CD83: variants seen among roughly 807,000 people sequenced by gnomAD.
CD83 encodes CD83 molecule, also known as CD83 antigen.
Under a neutral mutation model 24.6 loss-of-function variants are expected in CD83, and 22 were observed. The observed-to-expected ratio is 0.90, with a 90% CI of 0.64 to 1.28. The LOEUF (loss-of-function observed/expected upper bound fraction) is 1.28. Ranked by LOEUF, CD83 falls within the 50% of genes most tolerant of loss-of-function variation. CD83 has a pLI of 0.00. For missense variants in CD83, 253 were observed against 252.8 expected (o/e 1.00, Z -0.01); for synonymous variants, 101 against 103.5 (o/e 0.98, Z 0.14).
At chr6:14,131,236 GCATATCA>G (rs1168847827) in intron 2 of CD83, among the ~76,000 whole-genome samples, 1 of 152,184 alleles carries the variant, frequency 6.6e-6, no homozygotes, top group Non-Finnish European at 1.5e-5. Flanking sequence ...TTCACACACA[GCATATCA>G]CTGTCATCAA....
chr6:14,117,930 G>A lies in CD83; in HGVS notation c.38-20G>A, dbSNP rs889842486. The A allele has an allele frequency of 1.3e-6, 2 of 1,598,412 alleles. No homozygotes were observed. The highest frequency in any genetic ancestry group is 1.7e-6 in the Non-Finnish European group (2 of 1,175,356). On this transcript the variant is annotated intron_variant, in intron 1 of 4. Coordinates refer to ENST00000379153, the MANE Select transcript of CD83 (RefSeq NM_004233.4). The surrounding 1 kb of genome is among the most constrained non-coding windows in gnomAD (Gnocchi z 4.6). ...CTCCCGTCGGTCGCTTGCTCACGAC[G>A]CGCTCTCTCTTTCTTGTAGCCTACA... is the stretch of plus-strand genomic sequence containing the variant.
intron 2 of CD83, among the ~76,000 whole-genome samples, chr6:14,130,334 T>A (rs551098978): frequency 6.6e-6 from 1 of 152,216 alleles, no homozygotes; most frequent in Non-Finnish European, 1.5e-5. Context: ...ATTAAAAATA[T>A]GTCTAGGAAA....
At position 14,129,147 on chromosome 6, in the gene CD83, G is replaced by T. The variant is rs1561831261; in HGVS notation, c.154-2373G>T. 1.3e-5 allele frequency among the ~76,000 whole-genome samples: 2 copies of T among 152,370 alleles called. No individual in the cohort carries two copies. The highest frequency in any genetic ancestry group is 2.1e-4 in the South Asian group (1 of 4,830). ...GGTGAATAATCTCAAAACGGTTGTTGCAGCTACACTCGCATTTGGAGGTTA... is the reference window on the plus strand; with the variant it reads ...GGTGAATAATCTCAAAACGGTTGTTTCAGCTACACTCGCATTTGGAGGTTA... On this transcript the variant is annotated intron_variant, in intron 2 of 4. Transcript: ENST00000379153. The surrounding 1 kb of genome is among the most constrained non-coding windows in gnomAD (Gnocchi z 4.3).
intron 3 of CD83, 88 bp from the exon 4 acceptor site, chr6:14,133,561 A>C: frequency 1.2e-6 from 1 of 858,392 alleles, no homozygotes; most frequent in Non-Finnish European, 1.9e-6. Context: ...GCAGGACTCC[A>C]GGACCAAGGA....
chr6:14,134,330 GAC>G (rs1389076288), intron 4 of CD83, among the ~76,000 whole-genome samples: 2 of 152,248 alleles, frequency 1.3e-5, no homozygotes, highest in Non-Finnish European at 2.9e-5. Flanking sequence ...AGGCACCCTA[GAC>G]ATGCCCATGA....
intron 2 of CD83, among the ~76,000 whole-genome samples, chr6:14,128,072 T>A (rs1274317574): frequency 6.6e-6 from 1 of 152,218 alleles, no homozygotes; most frequent in African/African-American, 2.4e-5. Flanking sequence ...AGATTTGGAA[T>A]GTTTAAAGAG....
At chr6:14,130,781 G>A (rs948673459) in intron 2 of CD83, among the ~76,000 whole-genome samples, 1 of 152,154 alleles carries the variant, frequency 6.6e-6, no homozygotes, top group African/African-American at 2.4e-5. Context: ...GGCTAAATTG[G>A]GCATCTCCCC....
At chr6:14,118,720 C>T (rs1759602546) in intron 2 of CD83, among the ~76,000 whole-genome samples, 1 of 152,314 alleles carries the variant, frequency 6.6e-6, no homozygotes, top group East Asian at 1.9e-4. Flanking sequence ...GCTGCTCCTA[C>T]TGTAAGTGGA....
At chr6:14,133,782 C>CTT (rs775591705) in intron 4 of CD83, 27 bp downstream of exon 4, 4 of 1,443,340 alleles carry the variant, frequency 2.8e-6, no homozygotes, top group Non-Finnish European at 3.9e-6. Context: ...AACATCTTCT[C>CTT]TTATTAAAAG....
Position 14,118,050 on chromosome 6 carries a change from G to A in CD83, c.138G>A (p.Thr46=), listed in dbSNP as rs1759580125. The stretch of plus-strand genomic sequence containing the variant: ...CCTGGGATCCGCAGGTTCCCTACAC[G>A]GTCTCCTGGGTCAAGGTAGGTGCTG... ...TAPWDPQVPY[T]VSWVKLLEGG... is the part of the protein sequence containing the mutation. The change falls in exon 2 of 5, where the codon ACG becomes ACA. Residue 46 remains threonine (T), a synonymous_variant. Transcript: ENST00000379153. The A allele has an allele frequency of 1.9e-6, 3 of 1,607,360 alleles. No homozygotes were observed. Among genetic ancestry groups the A allele is most frequent in the Non-Finnish European group, 2.5e-6 (3 of 1,177,704 alleles).
chr6:14,134,529 C>T (rs1008264095), intron 4 of CD83, among the ~76,000 whole-genome samples: 5 of 152,192 alleles, frequency 3.3e-5, no homozygotes, highest in Admixed American at 2.0e-4. Context: ...ACAGACTTCA[C>T]CCAGGAGCTA....
In CD83 at chr6:14,129,719, C is replaced by T. The variant is rs1276340447; in HGVS notation, c.154-1801C>T. 6.6e-6 allele frequency among the ~76,000 whole-genome samples: 1 copy of T among 152,132 alleles called. No homozygotes were observed. The highest frequency in any genetic ancestry group is 1.5e-5 in the Non-Finnish European group (1 of 68,028). ...CTTGCAGGAGCGATCAATCTGCCAC[C>T]AGATGTCTCTGTAGCCCACTCTACA... On this transcript the variant is annotated intron_variant, in intron 2 of 4. Coordinates refer to ENST00000379153, the MANE Select transcript of CD83 (RefSeq NM_004233.4). The surrounding 1 kb of genome is among the most constrained non-coding windows in gnomAD (Gnocchi z 4.3).
intron 3 of CD83, 118 bp from the exon 4 acceptor site, chr6:14,133,531 A>G: frequency 1.5e-6 from 1 of 673,036 alleles, no homozygotes. Flanking sequence ...GTTCATCCTG[A>G]TGGTGGGAAG....
At chr6:14,124,783 A>T (rs1759746496) in intron 2 of CD83, among the ~76,000 whole-genome samples, 1 of 152,204 alleles carries the variant, frequency 6.6e-6, no homozygotes. Context: ...TCAGTTATGG[A>T]TGGCGTTGTG....
In CD83 at chr6:14,118,014, C is replaced by A; in HGVS notation, c.102C>A (p.Pro34=). The A allele has an allele frequency of 6.2e-7, 1 of 1,611,324 alleles. No homozygotes were observed. The highest frequency in any genetic ancestry group is 1.1e-5 in the South Asian group (1 of 90,732). Residue 34 remains proline, a synonymous_variant, in exon 2 of 5, where the codon CCC becomes CCA. Transcript: ENST00000379153. ...CTTGCTCCGAAGATGTGGACTTGCC[C>A]TGCACCGCCCCCTGGGATCCGCAGG... The part of the protein sequence containing the change: ...KVACSEDVDL[P]CTAPWDPQVP...
intron 2 of CD83, among the ~76,000 whole-genome samples, chr6:14,118,578 G>T (rs1046263429): frequency 6.6e-6 from 1 of 152,158 alleles, no homozygotes; most frequent in East Asian, 1.9e-4. Context: ...ATCCATGGTA[G>T]TTATCAGTGG....
chr6:14,129,006 A>G lies in CD83; in HGVS notation c.154-2514A>G, dbSNP rs1759885747. 6.6e-6 allele frequency among the ~76,000 whole-genome samples: 1 copy of G among 152,190 alleles called. No individual in the cohort carries two copies. The highest frequency in any genetic ancestry group is 2.1e-4 in the South Asian group (1 of 4,832). ...TTTATGTAAATAGACACAATAGTTT[A>G]TGTTTCTACCAGCTCCAGAGGGGTT... is the stretch of plus-strand genomic sequence containing the variant. On this transcript the variant is annotated intron_variant, in intron 2 of 4. Transcript: ENST00000379153. The surrounding 1 kb of genome is among the most constrained non-coding windows in gnomAD (Gnocchi z 4.3).
At chr6:14,127,324 T>C (rs551506136) in intron 2 of CD83, among the ~76,000 whole-genome samples, 2 of 152,302 alleles carry the variant, frequency 1.3e-5, no homozygotes, top group South Asian at 4.1e-4. Flanking sequence ...ATGATAAATT[T>C]AGATTTCAAT....
Position 14,117,913 on chromosome 6 carries a change from G to C in CD83, c.38-37G>C. ...CCCCTCCACGACACCCCCTCCCGTC[G>C]GTCGCTTGCTCACGACGCGCTCTCT... On this transcript the variant is annotated intron_variant, in intron 1 of 4. Transcript: ENST00000379153. The surrounding 1 kb of genome is among the most constrained non-coding windows in gnomAD (Gnocchi z 4.6). 1 of 1,587,544 alleles carries C rather than the reference G, an allele frequency of 6.3e-7. No individual in the cohort carries two copies. The highest frequency in any genetic ancestry group is 8.5e-7 in the Non-Finnish European group (1 of 1,170,314).
Sources: allele counts gnomAD v4.1 joint callset (sites outside exome capture counted in the v4.1 genomes callset), GRCh38; gene constraint gnomAD v4.1.1; non-coding constraint Gnocchi (gnomAD v3.1); transcripts MANE v1.5; gene names NCBI Gene and HGNC (gene_info 2026-07-23, HGNC 2026-07-21).